Variants in REST observed in about 807,000 individuals in gnomAD.
REST encodes the protein RE1-silencing transcription factor.
In REST, 1 loss-of-function variant was observed where a neutral mutation model predicts 30.4. That is an observed-to-expected ratio of 0.03 (90% CI 0.01 to 0.16). REST has a LOEUF of 0.16. Among genes scored for constraint, REST ranks in the 10% least tolerant of loss-of-function variants. REST has a pLI of 1.00. For missense variants in REST, 1,259 were observed against 1,329.5 expected, an observed-to-expected ratio of 0.95 and a Z score of 0.82; for synonymous variants, 504 against 451.1, an observed-to-expected ratio of 1.12 and a Z score of -1.49.
Position 56,931,404 on chromosome 4 carries a change from G to A in REST, c.2546G>A (p.Trp849Ter). The change falls in exon 4 of 4, where the codon TGG (tryptophan) becomes TAG (stop). Residue 849 changes from tryptophan to a stop codon, truncating the protein, a stop_gained. Transcript: ENST00000309042. LOFTEE classifies it low-confidence loss of function (END_TRUNC). ...EVGLVPVKDSWLLKESVSTED... is the reference protein window; with the variant it reads ...EVGLVPVKDS ...GGCTTAGTGCCTGTTAAAGATAGCT[G>A]GCTTCTAAAGGAAAGTGTAAGCACA... is the stretch of plus-strand genomic sequence containing the variant. 1 of 1,614,224 alleles carries A rather than the reference G, an allele frequency of 6.2e-7. No homozygotes were observed. Among genetic ancestry groups the A allele is most frequent in the Non-Finnish European group, 8.5e-7 (1 of 1,180,052 alleles).
chr4:56,918,434 C>G (rs574933492), intron 2 of REST, among the ~76,000 whole-genome samples: 44 of 152,098 alleles, frequency 2.9e-4, no homozygotes, highest in African/African-American at 9.9e-4. Flanking sequence ...GTCCAGGCTG[C>G]AGAAGCTACG....
chr4:56,925,698 G>A (rs6847086), intron 3 of REST, among the ~76,000 whole-genome samples: 57,905 of 152,028 alleles, frequency 0.38, 11,387 homozygotes, highest in African/African-American at 0.45. Context: ...CAGGGCAAAA[G>A]TTAATATTCA....
At chr4:56,922,568 C>G (rs758023742) in intron 3 of REST, among the ~76,000 whole-genome samples, 8 of 152,128 alleles carry the variant, frequency 5.3e-5, no homozygotes, top group Non-Finnish European at 1.0e-4. Context: ...CTGCCTCAGC[C>G]TCCCAACGTG....
At chr4:56,908,507 G>C (rs557090350) in intron 1 of REST, among the ~76,000 whole-genome samples, 122 of 152,016 alleles carry the variant, frequency 8.0e-4, no homozygotes, top group African/African-American at 1.5e-3. Context: ...TGGCCCGGAC[G>C]CTCCACCGAG....
intron 2 of REST, among the ~76,000 whole-genome samples, chr4:56,917,713 C>T (rs1458191332): frequency 6.6e-6 from 1 of 152,100 alleles, no homozygotes; most frequent in Admixed American, 6.6e-5. Flanking sequence ...TCATAATTAT[C>T]TTGTGTTTGG....
intron 3 of REST, among the ~76,000 whole-genome samples, chr4:56,922,751 T>G (rs1399470487): frequency 1.3e-5 from 2 of 152,250 alleles, no homozygotes; most frequent in Non-Finnish European, 2.9e-5. Context: ...ATGTCCTTCC[T>G]TCTGGATATG....
intron 3 of REST, among the ~76,000 whole-genome samples, chr4:56,921,685 C>T (rs1720459610): frequency 6.6e-6 from 1 of 152,180 alleles, no homozygotes; most frequent in Non-Finnish European, 1.5e-5. Context: ...GCTGGGATTA[C>T]AGGTGTGAGC....
chr4:56,914,434 C>T (rs952071156), intron 2 of REST, among the ~76,000 whole-genome samples: 1 of 152,062 alleles, frequency 6.6e-6, no homozygotes, highest in African/African-American at 2.4e-5. Context: ...TTTGTAGTCC[C>T]TTTGGAATTT....
intron 2 of REST, 140 bp from the exon 3 acceptor site, chr4:56,919,647 A>G (rs2109545848): frequency 2.1e-6 from 1 of 471,520 alleles, no homozygotes; most frequent in Non-Finnish European, 3.8e-6. Context: ...TACATGATAA[A>G]TTGATCTTTT....
At chr4:56,926,606 A>C (rs1314532952) in intron 3 of REST, among the ~76,000 whole-genome samples, 1 of 151,708 alleles carries the variant, frequency 6.6e-6, no homozygotes, top group Non-Finnish European at 1.5e-5. Context: ...TGCCTCCCAA[A>C]GTTTTGGGAC....
intron 3 of REST, among the ~76,000 whole-genome samples, chr4:56,924,773 C>G (rs1720608624): frequency 6.6e-6 from 1 of 152,106 alleles, no homozygotes. Flanking sequence ...TTAGAACATT[C>G]TTTTATAAAA....
At chr4:56,923,429 G>C (rs923384812) in intron 3 of REST, among the ~76,000 whole-genome samples, 3 of 152,082 alleles carry the variant, frequency 2.0e-5, no homozygotes, top group Non-Finnish European at 4.4e-5. Context: ...CACCACTCCA[G>C]CTAATTGGGG....
intron 2 of REST, among the ~76,000 whole-genome samples, chr4:56,917,585 G>A (rs1720259993): frequency 6.6e-6 from 1 of 152,144 alleles, no homozygotes; most frequent in South Asian, 2.1e-4. Context: ...GCTTTACTAT[G>A]TGCCAGACAC....
chr4:56,932,095 C>T lies in REST; in HGVS notation c.3237C>T (p.Leu1079=), dbSNP rs1397463572. The T allele has an allele frequency of 6.2e-7, 1 of 1,614,088 alleles. No homozygotes were observed. The highest frequency in any genetic ancestry group is 8.5e-7 in the Non-Finnish European group (1 of 1,180,038). Residue 1079 remains leucine, a synonymous_variant, in exon 4 of 4, where the codon CTC becomes CTT. Coordinates refer to ENST00000309042, the MANE Select transcript of REST (RefSeq NM_005612.5). ...AGGGAAAAGATTACAGCAAACACCT[C>T]AATCGCCATTTGGTTAATGTGTACT... ...FRKGKDYSKH[L]NRHLVNVYYL... is the part of the protein sequence containing the mutation.
At chr4:56,924,949 G>A (rs1011004073) in intron 3 of REST, among the ~76,000 whole-genome samples, 1 of 151,814 alleles carries the variant, frequency 6.6e-6, no homozygotes, top group African/African-American at 2.4e-5. Context: ...GCGGATCATC[G>A]GAGGTCAGAA....
intron 2 of REST, among the ~76,000 whole-genome samples, chr4:56,914,950 GT>G (rs1720115733): frequency 1.4e-5 from 1 of 71,666 alleles, no homozygotes; most frequent in Non-Finnish European, 2.7e-5. Flanking sequence ...TTTTGAGACA[GT>G]TTTACTCTTG....
In REST at chr4:56,930,254, G is replaced by T. The variant is rs774421905; in HGVS notation, c.1396G>T (p.Val466Phe). 1 of 1,610,668 alleles carries T rather than the reference G, an allele frequency of 6.2e-7. No homozygotes were observed. Among genetic ancestry groups the T allele is most frequent in the Non-Finnish European group, 8.5e-7 (1 of 1,179,338 alleles). ...GGCTGGAAAGAAAAATGAAAAGTCC[G>T]TCAAAGCAGAGAAAAGAGATGTCTC... ...DVAGKKNEKS[V>F]KAEKRDVSKE... The change falls in exon 4 of 4, where the codon GTC becomes TTC. Residue 466 changes from valine (V) to phenylalanine (F), a missense_variant. Val to Phe is a conservative substitution (Grantham distance 50). This residue lies in a region of REST where 856 missense variants were observed against 772.8 expected (regional missense o/e 1.11). Transcript: ENST00000309042.
chr4:56,929,707 T>C, intron 3 of REST, 134 bp from the exon 4 acceptor site: 1 of 641,634 alleles, frequency 1.6e-6, no homozygotes. Context: ...TACAAATAAA[T>C]ATGGTAAATG....
In REST at chr4:56,931,114, C is replaced by T. The variant is rs1223159395; in HGVS notation, c.2256C>T (p.Pro752=). Reference sequence around the variant, plus strand: ...CTGTTCAGATAGAGCTGTCTCCTCCCATGGAGGTGGTCCAGAAGGAACCTG... The same window carrying T: ...CTGTTCAGATAGAGCTGTCTCCTCCTATGGAGGTGGTCCAGAAGGAACCTG... ...KEPVQIELSP[P]MEVVQKEPVK... Residue 752 remains proline (P), a synonymous_variant, in exon 4 of 4, where the codon CCC becomes CCT. Transcript: ENST00000309042. 1 of 1,599,216 alleles carries T rather than the reference C, an allele frequency of 6.3e-7. No individual in the cohort carries two copies. Among genetic ancestry groups the T allele is most frequent in the East Asian group, 2.3e-5 (1 of 44,196 alleles).
Sources: gnomAD v4.1 joint callset for allele counts (sites outside exome capture counted in the v4.1 genomes callset) on GRCh38, gnomAD v4.1.1 for gene constraint, gnomAD v4.1.1 regional missense constraint, MANE v1.5 for transcripts, NCBI Gene and HGNC (gene_info 2026-07-23, HGNC 2026-07-21) for gene names.